The following RANBP2 variants were observed in gnomAD, a reference collection of about 807,000 sequenced individuals.
The protein encoded by RANBP2 is RAN binding protein 2.
Under a neutral mutation model 303.6 loss-of-function variants are expected in RANBP2, and 57 were observed. The observed-to-expected ratio is 0.19, with a 90% confidence interval of 0.15 to 0.23. RANBP2 has a LOEUF of 0.23. Among genes scored for constraint, RANBP2 ranks in the 10% least tolerant of loss-of-function variants. The pLI, the probability that RANBP2 is intolerant of heterozygous loss-of-function variation, is 1.00. For missense variants in RANBP2, 3,138 were observed against 3,780.8 expected, an observed-to-expected ratio of 0.83 and a Z score of 4.46; for synonymous variants, 1,167 against 1,301.5, an observed-to-expected ratio of 0.90 and a Z score of 2.23.
chr2:108,834,525 T>G, the RANBP2 span, among the ~76,000 whole-genome samples: 1 of 152,304 alleles, frequency 6.6e-6, no homozygotes, highest in African/African-American at 2.4e-5. Context: ...TGAAAATGTC[T>G]TTTTATACAC....
chr2:109,160,658 G>A, the RANBP2 span, among the ~76,000 whole-genome samples: 10 of 152,322 alleles, frequency 6.6e-5, no homozygotes, highest in East Asian at 1.9e-3. Context: ...ACTCAACAAT[G>A]GTGGGGCTGG....
the RANBP2 span, among the ~76,000 whole-genome samples, chr2:109,318,151 A>G: frequency 2.0e-5 from 3 of 151,718 alleles, no homozygotes; most frequent in African/African-American, 7.3e-5. Flanking sequence ...GGACATTGAG[A>G]GACTAGAAAT....
the RANBP2 span, chr2:109,371,471 G>T: frequency 2.6e-6 from 2 of 768,526 alleles, no homozygotes; most frequent in South Asian, 3.3e-5. Context: ...CACTCTTCTT[G>T]AACTCATTCC....
At chr2:109,503,510 C>A in the RANBP2 span, 1 of 152,174 alleles carries the variant, frequency 6.6e-6, no homozygotes, top group Admixed American at 6.5e-5. Flanking sequence ...AAGAAAAAGT[C>A]TGGCTTAAAC....
At chr2:108,775,707 G>A in intron 23 of RANBP2, 25 bp from the exon 24 acceptor site, 1 of 1,611,764 alleles carries the variant, frequency 6.2e-7, no homozygotes. Context: ...AAGTGGCATA[G>A]TATTTTGTGA....
the RANBP2 span, among the ~76,000 whole-genome samples, chr2:108,913,170 C>T: frequency 1.3e-5 from 2 of 152,028 alleles, no homozygotes; most frequent in East Asian, 1.9e-4. Flanking sequence ...AGGATGGGCT[C>T]GATCTCCTGA....
chr2:109,221,983 A>T, the RANBP2 span, among the ~76,000 whole-genome samples: 1 of 124,974 alleles, frequency 8.0e-6, no homozygotes, highest in Non-Finnish European at 1.6e-5. Flanking sequence ...GAATGGATTA[A>T]AAAAAAAAAA....
chr2:108,783,009 C>G (rs1246006750), intron 28 of RANBP2, 147 bp downstream of exon 28: 2 of 733,260 alleles, frequency 2.7e-6, no homozygotes, highest in Non-Finnish European at 4.6e-6. Flanking sequence ...CATGGCATCA[C>G]TACCCATTCC....
the RANBP2 span, among the ~76,000 whole-genome samples, chr2:109,692,120 C>A: frequency 6.6e-6 from 1 of 152,148 alleles, no homozygotes; most frequent in African/African-American, 2.4e-5. Context: ...AAACCCAAAT[C>A]CATCCCTTGC....
the RANBP2 span, among the ~76,000 whole-genome samples, chr2:109,130,298 C>A: frequency 1.3e-5 from 2 of 152,204 alleles, no homozygotes; most frequent in African/African-American, 4.8e-5. Context: ...GGCAGCTCGC[C>A]GCTTGTTCAC....
chr2:109,452,788 CCTGGGAGGCTGGTGCTGGGAGGCTGGTT>C, the RANBP2 span, among the ~76,000 whole-genome samples: 3 of 151,190 alleles, frequency 2.0e-5, no homozygotes, highest in Non-Finnish European at 3.0e-5. Context: ...GAGGCTGGTC[CCTGGGAGGCTGGTGCTGGGAGGCTGGTT>C]CTGGGAGGCT....
chr2:109,329,477 G>GCGGTGT, the RANBP2 span, among the ~76,000 whole-genome samples: 1 of 152,210 alleles, frequency 6.6e-6, no homozygotes, highest in African/African-American at 2.4e-5. Context: ...CATGGCTGGA[G>GCGGTGT]CGGTGTCTTT....
the RANBP2 span, among the ~76,000 whole-genome samples, chr2:109,635,180 T>G: frequency 6.6e-6 from 1 of 152,242 alleles, no homozygotes; most frequent in South Asian, 2.1e-4. Context: ...TTTGTTTTAT[T>G]TATATTTATT....
the RANBP2 span, among the ~76,000 whole-genome samples, chr2:109,627,290 G>A: frequency 2.6e-5 from 4 of 152,168 alleles, no homozygotes; most frequent in South Asian, 2.1e-4. Flanking sequence ...TCTGCCTCCC[G>A]GGTTCAAGCG....
the RANBP2 span, chr2:108,813,031 C>G: frequency 1.2e-6 from 1 of 840,526 alleles, no homozygotes; most frequent in South Asian, 1.6e-5. Context: ...GGGCGGATCA[C>G]GATGTCAGGA....
chr2:109,399,614 ATCAG>A, the RANBP2 span, among the ~76,000 whole-genome samples: 4 of 152,202 alleles, frequency 2.6e-5, no homozygotes, highest in Admixed American at 6.5e-5. Flanking sequence ...CAAGCAACCA[ATCAG>A]TCAATCAATA....
chr2:108,903,308 A>G, the RANBP2 span, among the ~76,000 whole-genome samples: 38 of 152,342 alleles, frequency 2.5e-4, no homozygotes, highest in Admixed American at 1.2e-3. Flanking sequence ...AAAGATGTCA[A>G]ATCTTCCCAG....
the RANBP2 span, chr2:109,616,353 GAATGAATT>G: frequency 7.7e-6 from 2 of 260,356 alleles, no homozygotes; most frequent in Non-Finnish European, 1.5e-5. Flanking sequence ...GGAACAGAAT[GAATGAATT>G]AATGAATGAG....
intron 25 of RANBP2, 83 bp downstream of exon 25, chr2:108,777,314 A>G (rs1265690451): frequency 4.4e-5 from 32 of 723,792 alleles, no homozygotes; most frequent in Non-Finnish European, 6.4e-5. Context: ...TGCAGTATAT[A>G]ACTAAGTTAG....
Sources: allele counts gnomAD v4.1 joint callset (sites outside exome capture counted in the v4.1 genomes callset), GRCh38; gene constraint gnomAD v4.1.1; transcripts MANE v1.5; gene names NCBI Gene and HGNC (gene_info 2026-07-23, HGNC 2026-07-21).